CABIN1: variants seen among roughly 807,000 people sequenced by gnomAD.
CABIN1 encodes calcineurin binding protein 1.
A neutral mutation model predicts 227.7 loss-of-function variants in CABIN1; 133 were observed. The observed-to-expected ratio is 0.58, with a 90% CI of 0.51 to 0.67. CABIN1 has a LOEUF of 0.67. CABIN1 is among the 30% of genes least tolerant of loss of function. The pLI is 0.00. For missense variants in CABIN1, 2,408 were observed against 2,852.5 expected, an observed-to-expected ratio of 0.84 and a Z score of 3.55; for synonymous variants, 1,086 against 1,155.1, an observed-to-expected ratio of 0.94 and a Z score of 1.21.
chr22:24,139,734 A>C (rs1329890931), intron 29 of CABIN1, among the ~76,000 whole-genome samples: 1 of 152,164 alleles, frequency 6.6e-6, no homozygotes, highest in Non-Finnish European at 1.5e-5. Context: ...CTGCTCTCAC[A>C]GTCTCCTGGT....
rs537578541 is a variant in CABIN1, at chr22:24,130,905, G to A, written c.4633-3397G>A. Reference sequence around the variant, plus strand: ...TTATAATCCAGGTTGGGTTTGACAGGCTAGTGCTTTCTGCACCCTTTGCCC... The same window carrying A: ...TTATAATCCAGGTTGGGTTTGACAGACTAGTGCTTTCTGCACCCTTTGCCC... On this transcript the variant is annotated intron_variant, in intron 28 of 36. Coordinates refer to ENST00000263119, the MANE Select transcript of CABIN1 (RefSeq NM_012295.4). Among the ~76,000 whole-genome samples the A allele has an allele frequency of 2.6e-5, 4 of 152,338 alleles. No homozygotes were observed. The South Asian group carries it at 6.2e-4, about 24-fold the overall frequency.
intron 7 of CABIN1, 35 bp downstream of exon 7, chr22:24,049,255 G>A (rs372533309): frequency 5.5e-5 from 88 of 1,608,208 alleles, no homozygotes; most frequent in Non-Finnish European, 7.3e-5. Context: ...ATGTGTGCAC[G>A]CTTACTGTGT....
At position 24,034,102 on chromosome 22, in the gene CABIN1, G is replaced by A. The variant is rs1012500790; in HGVS notation, c.-74-1342G>A. Reference sequence around the variant, plus strand: ...AAGGAATGCACAACCGAGATCCCTCGCATGCACAGTTCACAATAGGGTTTG... The same window carrying A: ...AAGGAATGCACAACCGAGATCCCTCACATGCACAGTTCACAATAGGGTTTG... On this transcript the variant is annotated intron_variant, in intron 1 of 36. Transcript: ENST00000263119. Among the ~76,000 whole-genome samples the A allele has an allele frequency of 3.3e-5, 5 of 152,290 alleles. No homozygotes were observed. The South Asian group carries it at 6.2e-4, about 19-fold the overall frequency.
At chr22:24,070,652 G>A in intron 16 of CABIN1, 148 bp from the exon 17 acceptor site, 1 of 1,150,652 alleles carries the variant, frequency 8.7e-7, no homozygotes, top group Non-Finnish European at 1.3e-6. Flanking sequence ...GCACCTCCGG[G>A]CTGCATGGGG....
At chr22:24,095,439 A>T (rs2041832637) in intron 24 of CABIN1, among the ~76,000 whole-genome samples, 1 of 84,002 alleles carries the variant, frequency 1.2e-5, no homozygotes. Context: ...CCCCCACCAC[A>T]CCCACGGGGA....
intron 34 of CABIN1, 35 bp from the exon 35 acceptor site, chr22:24,176,076 A>T (rs2047086576): frequency 1.3e-6 from 2 of 1,599,434 alleles, no homozygotes; most frequent in African/African-American, 2.7e-5. Flanking sequence ...GGGGTGGATG[A>T]GTCTATTACC....
chr22:24,113,584 C>T lies in CABIN1; in HGVS notation c.4136C>T (p.Thr1379Ile). Residue 1379 changes from threonine (T) to isoleucine (I), a missense_variant, in exon 27 of 37, where the codon ACA (threonine) becomes ATA (isoleucine). Around this residue, in one of 3 missense-constraint regions of CABIN1, gnomAD observed 649 missense variants for 910.3 expected, o/e 0.71. Transcript: ENST00000263119. ...CCCTCAGACCGAAGCCAGGACAGCA[C>T]AGCCGTAGCACTCTCAGACTCTAGC... is the stretch of plus-strand genomic sequence containing the variant. The part of the protein sequence containing the change: ...ATPDDRSQDS[T>I]AVALSDSSST... 1 of 1,614,126 alleles carries T rather than the reference C, an allele frequency of 6.2e-7. No homozygotes were observed. Among genetic ancestry groups the T allele is most frequent in the Non-Finnish European group, 8.5e-7 (1 of 1,180,024 alleles).
chr22:24,041,973 A>T (rs774951834), intron 5 of CABIN1, among the ~76,000 whole-genome samples: 1 of 152,220 alleles, frequency 6.6e-6, no homozygotes, highest in Admixed American at 6.5e-5. Context: ...TGTTTTAAAG[A>T]CAGGGTCTCA....
At chr22:24,054,484 C>T (rs553827416) in intron 8 of CABIN1, among the ~76,000 whole-genome samples, 3 of 152,300 alleles carry the variant, frequency 2.0e-5, no homozygotes, top group Admixed American at 6.5e-5. Flanking sequence ...AAAACAGATT[C>T]GTGGCAGCAG....
At chr22:24,170,128 G>C (rs1157726491) in intron 33 of CABIN1, 5 of 458,108 alleles carry the variant, frequency 1.1e-5, no homozygotes, top group Admixed American at 7.0e-5. Context: ...CTGCTTCCCA[G>C]ACCCTGGTGC....
chr22:24,142,083 G>GGCCACCA (rs1175187039), intron 29 of CABIN1, among the ~76,000 whole-genome samples: 1 of 152,106 alleles, frequency 6.6e-6, no homozygotes, highest in Non-Finnish European at 1.5e-5. Flanking sequence ...GCCACCAGTT[G>GGCCACCA]GTTGTGTAAC....
chr22:24,021,327 T>A (rs954891256), intron 1 of CABIN1, among the ~76,000 whole-genome samples: 1 of 151,990 alleles, frequency 6.6e-6, no homozygotes, highest in African/African-American at 2.4e-5. Context: ...GCCATCATTT[T>A]AAAATATTTT....
intron 29 of CABIN1, among the ~76,000 whole-genome samples, chr22:24,163,388 G>A (rs112459077): frequency 0.022 from 3,273 of 152,232 alleles, 146 homozygotes; most frequent in African/African-American, 0.073. Context: ...ACAGGGACAG[G>A]GCCCTGAGAG....
Position 24,168,497 on chromosome 22 carries a change from T to C in CABIN1, c.5733T>C (p.His1911=). Reference sequence around the variant, plus strand: ...AGGCTGTGAAGTTCTGCCAGGTCCATCTTGGGGCTGCCGCCCAGAGACAGG... The same window carrying C: ...AGGCTGTGAAGTTCTGCCAGGTCCACCTTGGGGCTGCCGCCCAGAGACAGG... The part of the protein sequence containing the change: ...LEQAVKFCQV[H]LGAAAQRQAS... Residue 1911 remains histidine (H), a synonymous_variant, in exon 33 of 37, where the codon CAT becomes CAC. Coordinates refer to ENST00000263119, the MANE Select transcript of CABIN1 (RefSeq NM_012295.4). 6.4e-7 allele frequency: 1 copy of C among 1,564,228 alleles called. No individual in the cohort carries two copies. Among genetic ancestry groups the C allele is most frequent in the East Asian group, 2.4e-5 (1 of 41,732 alleles).
intron 1 of CABIN1, among the ~76,000 whole-genome samples, chr22:24,023,110 C>T (rs936369235): frequency 1.3e-5 from 2 of 152,178 alleles, no homozygotes; most frequent in African/African-American, 2.4e-5. Flanking sequence ...GGCTGTGGTA[C>T]TTTCAGTCTC....
rs376047136 is a variant in CABIN1, at chr22:24,171,813, C to T, written c.5858C>T (p.Ala1953Val). Residue 1953 changes from alanine (A) to valine (V), a missense_variant, in exon 34 of 37, where the codon GCT becomes GTT. Around this residue, in one of 3 missense-constraint regions of CABIN1, gnomAD observed 714 missense variants for 773.8 expected, o/e 0.92. Coordinates refer to ENST00000263119, the MANE Select transcript of CABIN1 (RefSeq NM_012295.4). ...CCCACAGCCCCTGACCCTGTGCCAG[C>T]TGACTCTGTCCAGCGGCCCAGTGAT... ...VVPTAPDPVP[A>V]DSVQRPSDAH... The T allele has an allele frequency of 2.4e-5, 39 of 1,614,052 alleles. No homozygotes were observed. Among genetic ancestry groups the T allele is most frequent in the Non-Finnish European group, 3.1e-5 (36 of 1,180,048 alleles).
At chr22:24,030,290 TAGAAAG>T (rs1345701239) in intron 1 of CABIN1, among the ~76,000 whole-genome samples, 4 of 152,194 alleles carry the variant, frequency 2.6e-5, no homozygotes, top group African/African-American at 9.6e-5. Flanking sequence ...TTTGCTGTGC[TAGAAAG>T]AGTACTGGGC....
At position 24,177,780 on chromosome 22, in the gene CABIN1, A is replaced by G. The variant is rs767286608; in HGVS notation, c.6482A>G (p.Lys2161Arg). 85 of 1,608,756 alleles carry G rather than the reference A, an allele frequency of 5.3e-5. No homozygotes were observed. The highest frequency in any genetic ancestry group is 6.8e-6 in the Non-Finnish European group (8 of 1,176,628). The part of the protein sequence containing the change: ...TPPTPTLLSP[K>R]GSISEETKQK... ...CCCACCCCAACCCTGCTCTCCCCCAAAGGCAGCATCTCGGAGGAGACCAAG... is the reference window on the plus strand; with the variant it reads ...CCCACCCCAACCCTGCTCTCCCCCAGAGGCAGCATCTCGGAGGAGACCAAG... The change falls in exon 36 of 37, where the codon AAA becomes AGA. Residue 2161 changes from lysine (K) to arginine (R), a missense_variant. Physicochemically the swap from Lys to Arg is conservative, Grantham distance 26 (BLOSUM62 2). Around this residue, in one of 3 missense-constraint regions of CABIN1, gnomAD observed 714 missense variants for 773.8 expected, o/e 0.92. Coordinates refer to ENST00000263119, the MANE Select transcript of CABIN1 (RefSeq NM_012295.4). This position sits in a 1 kb window ranked among gnomAD's most constrained non-coding sequence, Gnocchi z 4.4.
In CABIN1 at chr22:24,167,302, C is replaced by T. The variant is rs1602464036; in HGVS notation, c.5671C>T (p.Leu1891Phe). 6.2e-7 allele frequency: 1 copy of T among 1,612,224 alleles called. No homozygotes were observed. Among genetic ancestry groups the T allele is most frequent in the Non-Finnish European group, 8.5e-7 (1 of 1,179,432 alleles). Reference protein sequence around the residue: ...VERIMSETYMLIKQVDEEAAL... With the variant: ...VERIMSETYMFIKQVDEEAAL... ...GAGGATCATGTCGGAGACCTACATG[C>T]TCATCAAGCAGGTGGGTGGCAGGCA... The change falls in exon 32 of 37, where the codon CTC becomes TTC. Residue 1891 changes from leucine (L) to phenylalanine (F), a missense_variant. By Grantham distance (22) the Leu-to-Phe change is conservative. Around this residue, in one of 3 missense-constraint regions of CABIN1, gnomAD observed 714 missense variants for 773.8 expected, o/e 0.92. Coordinates refer to ENST00000263119, the MANE Select transcript of CABIN1 (RefSeq NM_012295.4).
Sources: allele counts gnomAD v4.1 joint callset (sites outside exome capture counted in the v4.1 genomes callset), GRCh38; gene constraint gnomAD v4.1.1; regional missense constraint gnomAD v4.1.1; non-coding constraint Gnocchi (gnomAD v3.1); transcripts MANE v1.5; gene names NCBI Gene and HGNC (gene_info 2026-07-23, HGNC 2026-07-21).